Variants in ALK observed in about 807,000 individuals in gnomAD.
ALK encodes ALK tyrosine kinase receptor.
Under a neutral mutation model 163.1 loss-of-function variants are expected in ALK, and 74 were observed. The ratio of observed to expected loss-of-function variants is 0.45; its 90% confidence interval spans 0.38 to 0.55. The LOEUF is 0.55. Ranked by LOEUF, ALK falls within the 20% of genes least tolerant of loss-of-function variation. The pLI is 0.00. For synonymous variants in ALK, 960 were observed against 843.2 expected, an observed-to-expected ratio of 1.14 and a Z score of -2.40; for missense variants, 2,063 against 2,105.3, an observed-to-expected ratio of 0.98 and a Z score of 0.39.
At chr2:29,254,069 G>T (rs1664893192) in intron 11 of ALK, among the ~76,000 whole-genome samples, 1 of 152,162 alleles carries the variant, frequency 6.6e-6, no homozygotes, top group South Asian at 2.1e-4. Flanking sequence ...CGATGGCTTT[G>T]TAAGGGGCTT....
At chr2:29,527,628 C>T (rs1672990404) in intron 4 of ALK, among the ~76,000 whole-genome samples, 1 of 152,190 alleles carries the variant, frequency 6.6e-6, no homozygotes, top group Non-Finnish European at 1.5e-5. Context: ...CTGCCTCAGC[C>T]TCATGAATAG....
At chr2:29,279,420 G>A (rs35314727) in intron 9 of ALK, among the ~76,000 whole-genome samples, 1 of 152,174 alleles carries the variant, frequency 6.6e-6, no homozygotes, top group Non-Finnish European at 1.5e-5. Flanking sequence ...TGCAGGGAAG[G>A]GACAGTGGGA....
intron 3 of ALK, among the ~76,000 whole-genome samples, chr2:29,655,666 G>T (rs138286074): frequency 2.0e-4 from 31 of 152,278 alleles, no homozygotes; most frequent in Admixed American, 3.3e-4. Context: ...GAGTTGTAAG[G>T]TCTCAGCTCA....
chr2:29,767,383 G>A (rs1217406696), intron 1 of ALK, among the ~76,000 whole-genome samples: 1 of 152,158 alleles, frequency 6.6e-6, no homozygotes, highest in African/African-American at 2.4e-5. Context: ...TAGAAAAGGA[G>A]ATCATCCCAG....
chr2:29,752,419 G>A (rs1329141950), intron 1 of ALK, among the ~76,000 whole-genome samples: 3 of 143,982 alleles, frequency 2.1e-5, no homozygotes, highest in East Asian at 2.0e-4. Context: ...GCGCGATCTC[G>A]ACTCACTGCA....
At chr2:29,699,083 C>T (rs1012641268) in intron 2 of ALK, among the ~76,000 whole-genome samples, 2 of 152,190 alleles carry the variant, frequency 1.3e-5, no homozygotes, top group Non-Finnish European at 2.9e-5. Flanking sequence ...CTCTCCTTCA[C>T]CCTCTTCCAA....
chr2:29,380,196 C>A (rs759307723), intron 5 of ALK, among the ~76,000 whole-genome samples: 11 of 151,712 alleles, frequency 7.3e-5, no homozygotes, highest in Non-Finnish European at 1.0e-4. Flanking sequence ...ACCTCTGCCT[C>A]CTGGGTTCAA....
At chr2:29,407,484 G>T (rs1273445646) in intron 4 of ALK, among the ~76,000 whole-genome samples, 2 of 152,254 alleles carry the variant, frequency 1.3e-5, no homozygotes, top group African/African-American at 4.8e-5. Context: ...ACTTGCTCAA[G>T]ATCACACAGC....
intron 3 of ALK, among the ~76,000 whole-genome samples, chr2:29,673,171 C>G (rs544298605): frequency 5.1e-4 from 75 of 146,000 alleles, no homozygotes; most frequent in Admixed American, 8.0e-4. Context: ...TACAGAAGCT[C>G]TTTAGTTTAA....
chr2:29,474,898 G>A (rs1411703538), intron 4 of ALK, among the ~76,000 whole-genome samples: 1 of 152,182 alleles, frequency 6.6e-6, no homozygotes. Flanking sequence ...TATCTACTGC[G>A]AGGCCTTTGC....
At chr2:29,216,890 T>C (rs2148162449) in intron 23 of ALK, among the ~76,000 whole-genome samples, 1 of 139,446 alleles carries the variant, frequency 7.2e-6, no homozygotes, top group East Asian at 2.2e-4. Flanking sequence ...GCATGTGTGA[T>C]TGGTTGTGAG....
intron 1 of ALK, among the ~76,000 whole-genome samples, chr2:29,768,739 G>A (rs200140384): frequency 5.5e-5 from 7 of 128,218 alleles, no homozygotes; most frequent in Admixed American, 2.6e-4. Context: ...GTGTGTGTGT[G>A]TGTGTATATA....
chr2:29,751,923 T>C (rs1008237657), intron 1 of ALK, among the ~76,000 whole-genome samples: 17 of 152,192 alleles, frequency 1.1e-4, no homozygotes, highest in Non-Finnish European at 5.9e-5. Context: ...ATGATGATAA[T>C]TGTAGCTAAC....
At chr2:29,436,685 T>A (rs1410791688) in intron 4 of ALK, among the ~76,000 whole-genome samples, 1 of 152,202 alleles carries the variant, frequency 6.6e-6, no homozygotes, top group Non-Finnish European at 1.5e-5. Flanking sequence ...CCATCAAGTT[T>A]GGCTTTTAAT....
At chr2:29,712,941 A>G (rs1330192030) in intron 2 of ALK, among the ~76,000 whole-genome samples, 1 of 152,216 alleles carries the variant, frequency 6.6e-6, no homozygotes, top group East Asian at 1.9e-4. Flanking sequence ...GGGCAGTCAT[A>G]ACAAAGTACC....
At chr2:29,620,029 A>G (rs1242888589) in intron 3 of ALK, among the ~76,000 whole-genome samples, 3 of 152,258 alleles carry the variant, frequency 2.0e-5, no homozygotes, top group Admixed American at 2.0e-4. Context: ...GCTCTCCAGT[A>G]GACGTTCCAG....
intron 1 of ALK, among the ~76,000 whole-genome samples, chr2:29,761,552 A>C (rs530890329): frequency 6.6e-6 from 1 of 152,346 alleles, no homozygotes; most frequent in South Asian, 2.1e-4. Flanking sequence ...AAGAGTCTGC[A>C]CTGGAAAGCA....
chr2:29,694,212 C>T (rs1404567724), intron 3 of ALK, among the ~76,000 whole-genome samples: 1 of 152,210 alleles, frequency 6.6e-6, no homozygotes, highest in African/African-American at 2.4e-5. Context: ...TCCTCTGAGC[C>T]TACCTTTCCT....
chr2:29,617,458 T>G (rs1675879447), intron 3 of ALK, among the ~76,000 whole-genome samples: 1 of 152,196 alleles, frequency 6.6e-6, no homozygotes, highest in African/African-American at 2.4e-5. Flanking sequence ...CACATTGAAA[T>G]AAGCCTTCCT....
Sources: allele counts gnomAD v4.1 joint callset (sites outside exome capture counted in the v4.1 genomes callset), GRCh38; gene constraint gnomAD v4.1.1; transcripts MANE v1.5; gene names NCBI Gene and HGNC (gene_info 2026-07-23, HGNC 2026-07-21).